TMEM26: variants seen among roughly 807,000 people sequenced by gnomAD.
The protein encoded by TMEM26 is transmembrane protein 26.
TMEM26 carries 38 observed loss-of-function variants against 28.8 expected under a neutral mutation model. The ratio of observed to expected loss-of-function variants is 1.32; its 90% CI spans 1.02 to 1.73. TMEM26 has a LOEUF of 1.73. Among genes scored for constraint, TMEM26 ranks in the 40% most tolerant of loss-of-function variants. TMEM26 has a pLI of 0.00. For missense variants in TMEM26, 518 were observed against 447.1 expected, an observed-to-expected ratio of 1.16 and a Z score of -1.43; for synonymous variants, 227 against 182.9, an observed-to-expected ratio of 1.24 and a Z score of -1.95.
chr10:61,428,008 C>T (rs1257592194), intron 4 of TMEM26, among the ~76,000 whole-genome samples: 2 of 152,018 alleles, frequency 1.3e-5, no homozygotes, highest in Admixed American at 1.3e-4. Context: ...ATAGATGAAA[C>T]AGGAAATTAT....
chr10:61,432,822 T>C (rs1839944444), intron 2 of TMEM26, among the ~76,000 whole-genome samples: 2 of 152,102 alleles, frequency 1.3e-5, no homozygotes, highest in African/African-American at 2.4e-5. Flanking sequence ...ACAAGAATAA[T>C]TAAGAAAAAT....
intron 3 of TMEM26, among the ~76,000 whole-genome samples, chr10:61,430,944 CT>C (rs2135311933): frequency 6.6e-6 from 1 of 152,078 alleles, no homozygotes; most frequent in African/African-American, 2.4e-5. Flanking sequence ...ATGTATATGT[CT>C]CTCAATGTGC....
chr10:61,430,255 T>G (rs1396935795), intron 3 of TMEM26, among the ~76,000 whole-genome samples: 1 of 152,022 alleles, frequency 6.6e-6, no homozygotes, highest in Admixed American at 6.6e-5. Flanking sequence ...TTCATTCCAT[T>G]AAACCTCACA....
chr10:61,429,530 TTTTC>T (rs140921372), intron 3 of TMEM26, among the ~76,000 whole-genome samples: 6,288 of 152,106 alleles, frequency 0.041, 162 homozygotes, highest in African/African-American at 0.061. Context: ...CTTCCTATAT[TTTTC>T]TTTAATAGAT....
chr10:61,419,327 C>A (rs2135294604), intron 4 of TMEM26, among the ~76,000 whole-genome samples: 1 of 152,122 alleles, frequency 6.6e-6, no homozygotes, highest in Non-Finnish European at 1.5e-5. Context: ...GAAACTGTCT[C>A]TACTGAGGTC....
intron 1 of TMEM26, among the ~76,000 whole-genome samples, chr10:61,439,060 G>A (rs1840051053): frequency 6.6e-6 from 1 of 152,140 alleles, no homozygotes; most frequent in Non-Finnish European, 1.5e-5. Context: ...TTTTAGTTTG[G>A]TTAATCTAAG....
At chr10:61,452,097 T>TG (rs1840293404) in intron 1 of TMEM26, among the ~76,000 whole-genome samples, 1 of 152,054 alleles carries the variant, frequency 6.6e-6, no homozygotes, top group Non-Finnish European at 1.5e-5. Flanking sequence ...CTCTGGGGGT[T>TG]GGGGGAGGCT....
In TMEM26 at chr10:61,426,972, G is replaced by A. The variant is rs1839843642; in HGVS notation, c.605+1954C>T. Among the ~76,000 whole-genome samples the A allele has an allele frequency of 3.3e-5, 5 of 152,112 alleles. No homozygotes were observed. In the South Asian group the frequency reaches 1.0e-3, roughly 32 times the overall value. Reference sequence around the variant, plus strand: ...TCCTTCCTAGGCTTTGACTTTGGGAGGGTTTTTGGGACAGTGGATATCTGA... The same window carrying A: ...TCCTTCCTAGGCTTTGACTTTGGGAAGGTTTTTGGGACAGTGGATATCTGA... On this transcript the variant is annotated intron_variant, in intron 4 of 5. Coordinates refer to ENST00000399298, the MANE Select transcript of TMEM26 (RefSeq NM_178505.8).
intron 1 of TMEM26, among the ~76,000 whole-genome samples, chr10:61,441,740 C>T (rs1399054186): frequency 6.6e-6 from 1 of 152,094 alleles, no homozygotes. Context: ...ATGGACAATA[C>T]CCTATTACCA....
chr10:61,449,736 C>T (rs1840245151), intron 1 of TMEM26, among the ~76,000 whole-genome samples: 1 of 152,064 alleles, frequency 6.6e-6, no homozygotes, highest in Admixed American at 6.5e-5. Context: ...ATCATTCTGT[C>T]TATTCTAATT....
At chr10:61,420,064 A>G (rs1174392485) in intron 4 of TMEM26, among the ~76,000 whole-genome samples, 1 of 152,208 alleles carries the variant, frequency 6.6e-6, no homozygotes, top group Non-Finnish European at 1.5e-5. Context: ...CCAAAACTTA[A>G]CTACTAATAG....
chr10:61,427,941 T>C (rs1157352369), intron 4 of TMEM26, among the ~76,000 whole-genome samples: 2 of 152,090 alleles, frequency 1.3e-5, no homozygotes, highest in African/African-American at 4.8e-5. Context: ...AATGAATCAA[T>C]TTAGATTGGA....
At chr10:61,439,236 C>T (rs1331155002) in intron 1 of TMEM26, among the ~76,000 whole-genome samples, 1 of 152,166 alleles carries the variant, frequency 6.6e-6, no homozygotes, top group East Asian at 1.9e-4. Flanking sequence ...CCAACACATG[C>T]TGTACTGTTT....
At chr10:61,444,608 C>T (rs12246968) in intron 1 of TMEM26, among the ~76,000 whole-genome samples, 3,761 of 149,962 alleles carry the variant, frequency 0.025, 160 homozygotes, top group African/African-American at 0.088. Context: ...GCAAAATCAT[C>T]GCAGTCTTCC....
chr10:61,427,797 G>A (rs958578153), intron 4 of TMEM26, among the ~76,000 whole-genome samples: 3 of 152,006 alleles, frequency 2.0e-5, no homozygotes, highest in African/African-American at 7.2e-5. Context: ...TCACTTTTAT[G>A]TGCTCTGTCA....
chr10:61,424,493 C>T (rs1442309606), intron 4 of TMEM26, among the ~76,000 whole-genome samples: 1 of 152,048 alleles, frequency 6.6e-6, no homozygotes, highest in Non-Finnish European at 1.5e-5. Flanking sequence ...CCAAATTGAT[C>T]TTTAGATTCA....
chr10:61,445,905 A>G (rs1158359779), intron 1 of TMEM26, among the ~76,000 whole-genome samples: 1 of 152,212 alleles, frequency 6.6e-6, no homozygotes, highest in Admixed American at 6.5e-5. Context: ...TGCCATGAGA[A>G]GAAATGCATG....
At position 61,409,376 on chromosome 10, in the gene TMEM26, T is replaced by C. The variant is rs1839535541; in HGVS notation, c.*946A>G. 6.6e-6 allele frequency: 1 copy of C among 152,182 alleles called. No individual in the cohort carries two copies. Among genetic ancestry groups the C allele is most frequent in the East Asian group, 1.9e-4 (1 of 5,186 alleles). 9.4% of individuals were successfully genotyped at this position (152,182 alleles called of 1,614,324 possible). Reference sequence around the variant, plus strand: ...CCCTGAGAGCAAAGGCCACTTCCAGTAGTCGCGGTTCAAAGAAGCTGCAGC... The same window carrying C: ...CCCTGAGAGCAAAGGCCACTTCCAGCAGTCGCGGTTCAAAGAAGCTGCAGC... On this transcript the variant is annotated 3_prime_UTR_variant, in exon 6 of 6. Coordinates refer to ENST00000399298, the MANE Select transcript of TMEM26 (RefSeq NM_178505.8).
Position 61,453,122 on chromosome 10 carries a change from C to A in TMEM26, c.-41G>T. 6.3e-7 allele frequency: 1 copy of A among 1,591,282 alleles called. No homozygotes were observed. On this transcript the variant is annotated 5_prime_UTR_variant, in exon 1 of 6. Transcript: ENST00000399298. The stretch of plus-strand genomic sequence containing the variant: ...CTGCCTACGTCCCCTTGCCTGCGCC[C>A]CCAGGACCCTGCCGGGCGTGCCCGG...
Sources: gnomAD v4.1 joint callset for allele counts (sites outside exome capture counted in the v4.1 genomes callset) on GRCh38, gnomAD v4.1.1 for gene constraint, MANE v1.5 for transcripts, NCBI Gene and HGNC (gene_info 2026-07-23, HGNC 2026-07-21) for gene names.